Variants in SDK1 observed in about 807,000 individuals in gnomAD.
The protein encoded by SDK1 is protein sidekick-1.
A neutral mutation model predicts 245.5 loss-of-function variants in SDK1; 157 were observed. That is an observed-to-expected ratio of 0.64 (90% CI 0.56 to 0.73). The LOEUF (loss-of-function observed/expected upper bound fraction) is 0.73. SDK1 is among the 30% of genes least tolerant of loss of function. The probability of loss-of-function intolerance (pLI) is 0.00; values close to 1 mark genes in which losing one functional copy is unlikely to be tolerated. For missense variants in SDK1, 3,583 were observed against 3,002.3 expected (o/e 1.19, Z -4.52); for synonymous variants, 1,647 against 1,278.5 (o/e 1.29, Z -6.15).
intron 1 of SDK1, among the ~76,000 whole-genome samples, chr7:3,320,881 A>G (rs578106721): frequency 6.7e-6 from 1 of 148,690 alleles, no homozygotes; most frequent in African/African-American, 2.5e-5. Context: ...TTGGTACTGT[A>G]AGGAAAAATG....
rs1780833569 is a variant in SDK1, at chr7:4,157,479, A to AAGGAGAGAAGGAAGGAAGGAAGGAAAGC, written c.4626-965_4626-964insGAGAAGGAAGGAAGGAAGGAAAGCAGGA. On this transcript the variant is annotated intron_variant, in intron 30 of 44. Coordinates refer to ENST00000404826, the MANE Select transcript of SDK1 (RefSeq NM_152744.4). ...GTGGAAGGGAGAGAAGGAAGGAGGG[A>AAGGAGAGAAGGAAGGAAGGAAGGAAAGC]AGGAAGGGAGGAAGAGGGGAGAGAA... Among the ~76,000 whole-genome samples the AAGGAGAGAAGGAAGGAAGGAAGGAAAGC allele has an allele frequency of 1.6e-4, 16 of 102,560 alleles. No homozygotes were observed. In the South Asian group the frequency reaches 4.5e-3, roughly 29 times the overall value. The allele number at this position is 102,560 out of a possible 152,430, so 67.3% of individuals were successfully genotyped here.
intron 1 of SDK1, among the ~76,000 whole-genome samples, chr7:3,449,810 G>C (rs74467576): frequency 6.6e-6 from 1 of 152,336 alleles, no homozygotes; most frequent in African/African-American, 2.4e-5. Context: ...ATTTTGTGAG[G>C]CTCTGGGGAA....
At chr7:3,752,444 A>C (rs1165119478) in intron 4 of SDK1, among the ~76,000 whole-genome samples, 1 of 152,232 alleles carries the variant, frequency 6.6e-6, no homozygotes, top group Admixed American at 6.5e-5. Context: ...AATGCAAACA[A>C]GATGAGGAAA....
rs566034470 is a variant in SDK1 at position 4,211,971 on chromosome 7, TGTCCACCAAAGATTCCG to T, written c.5539+1813_5539+1829del. On this transcript the variant is annotated intron_variant, in intron 38 of 44. Coordinates refer to ENST00000404826, the MANE Select transcript of SDK1 (RefSeq NM_152744.4). Reference sequence around the variant, plus strand: ...CTCTCCTGCCATCCAGACACCAATGTGTCCACCAAAGATTCCGGTCTGGGAGGCACGTCTTTCCCACC... The same window carrying T: ...CTCTCCTGCCATCCAGACACCAATGTGTCTGGGAGGCACGTCTTTCCCACC... Among the ~76,000 whole-genome samples, 14 of 152,344 alleles carry T rather than the reference TGTCCACCAAAGATTCCG, an allele frequency of 9.2e-5. No individual in the cohort carries two copies. In the South Asian group the frequency reaches 2.9e-3, roughly 32 times the overall value.
At chr7:3,919,000 A>C (rs1346509106) in intron 5 of SDK1, among the ~76,000 whole-genome samples, 1 of 152,238 alleles carries the variant, frequency 6.6e-6, no homozygotes, top group East Asian at 1.9e-4. Flanking sequence ...TCATTAGCCC[A>C]TTAACTCATA....
chr7:3,337,926 G>T (rs560774287), intron 1 of SDK1: 5 of 152,362 alleles, frequency 3.3e-5, no homozygotes, highest in Admixed American at 3.3e-4. Context: ...AAAACATAAG[G>T]CTCTGAATTT....
chr7:4,196,873 A>G (rs1783611010), intron 35 of SDK1, among the ~76,000 whole-genome samples: 1 of 152,232 alleles, frequency 6.6e-6, no homozygotes, highest in African/African-American at 2.4e-5. Context: ...TTGGCTAACA[A>G]GGGCTGCCTC....
At chr7:3,789,040 T>C (rs1166678673) in intron 4 of SDK1, among the ~76,000 whole-genome samples, 1 of 152,250 alleles carries the variant, frequency 6.6e-6, no homozygotes, top group Non-Finnish European at 1.5e-5. Flanking sequence ...GGAGCAGAGC[T>C]TGACCATATA....
At chr7:3,834,442 A>G (rs940801246) in intron 5 of SDK1, among the ~76,000 whole-genome samples, 1 of 152,236 alleles carries the variant, frequency 6.6e-6, no homozygotes, top group African/African-American at 2.4e-5. Flanking sequence ...AGCACAGGCA[A>G]GGGAACGATG....
chr7:4,104,278 C>G (rs1327741806), intron 22 of SDK1, among the ~76,000 whole-genome samples: 1 of 152,100 alleles, frequency 6.6e-6, no homozygotes, highest in Non-Finnish European at 1.5e-5. Context: ...CCAGGCTGGT[C>G]TCGAAGTCCT....
chr7:4,035,269 G>A (rs1788132720), intron 17 of SDK1, among the ~76,000 whole-genome samples: 1 of 152,130 alleles, frequency 6.6e-6, no homozygotes, highest in Non-Finnish European at 1.5e-5. Context: ...ACAGGTGTGT[G>A]CCACCATGCC....
chr7:3,979,477 C>T (rs1447047242), intron 13 of SDK1, among the ~76,000 whole-genome samples: 1 of 152,142 alleles, frequency 6.6e-6, no homozygotes, highest in East Asian at 1.9e-4. Flanking sequence ...ATGCCTGGAC[C>T]AGTGCCAGGT....
At chr7:3,498,397 C>G (rs369912535) in intron 1 of SDK1, among the ~76,000 whole-genome samples, 2 of 152,060 alleles carry the variant, frequency 1.3e-5, no homozygotes, top group Non-Finnish European at 2.9e-5. Flanking sequence ...CATTACCTGA[C>G]CTTTTAGAGT....
intron 7 of SDK1, among the ~76,000 whole-genome samples, chr7:3,957,282 A>G (rs1335141587): frequency 4.6e-5 from 7 of 152,208 alleles, no homozygotes; most frequent in African/African-American, 1.4e-4. Flanking sequence ...CTTTTCACGC[A>G]CACTTGAGCG....
At chr7:3,705,016 C>G (rs181335400) in intron 4 of SDK1, among the ~76,000 whole-genome samples, 113 of 152,180 alleles carry the variant, frequency 7.4e-4, no homozygotes, top group African/African-American at 2.6e-3. Flanking sequence ...GGCTTTATTT[C>G]TAGGCTCTCT....
intron 5 of SDK1, among the ~76,000 whole-genome samples, chr7:3,833,366 C>G (rs1008329714): frequency 2.0e-5 from 3 of 152,160 alleles, no homozygotes; most frequent in Non-Finnish European, 4.4e-5. Context: ...CCTTCTCTTT[C>G]TCCAACAGGA....
chr7:4,167,699 C>T (rs1562379451), intron 32 of SDK1, among the ~76,000 whole-genome samples: 1 of 152,232 alleles, frequency 6.6e-6, no homozygotes, highest in Non-Finnish European at 1.5e-5. Context: ...ATGAACAAGA[C>T]CCGAACATGG....
intron 1 of SDK1, among the ~76,000 whole-genome samples, chr7:3,517,193 G>A (rs966169136): frequency 6.6e-6 from 1 of 152,142 alleles, no homozygotes; most frequent in Admixed American, 6.6e-5. Context: ...GTGATAGGAA[G>A]CTGTATTATT....
chr7:4,140,033 C>T (rs2128204527), intron 28 of SDK1, among the ~76,000 whole-genome samples: 1 of 152,258 alleles, frequency 6.6e-6, no homozygotes, highest in Non-Finnish European at 1.5e-5. Context: ...TCCTGCCAGG[C>T]CCACACTCTG....
Sources: gnomAD v4.1 joint callset for allele counts (sites outside exome capture counted in the v4.1 genomes callset) on GRCh38, gnomAD v4.1.1 for gene constraint, MANE v1.5 for transcripts, NCBI Gene and HGNC (gene_info 2026-07-23, HGNC 2026-07-21) for gene names.